The following NDUFS1 variants were observed in gnomAD, a reference collection of about 807,000 sequenced individuals.
The protein encoded by NDUFS1 is NADH-ubiquinone oxidoreductase 75 kDa subunit, mitochondrial.
Under a neutral mutation model 84.4 loss-of-function variants are expected in NDUFS1, and 61 were observed. That is an observed-to-expected ratio of 0.72 (90% confidence interval 0.59 to 0.89). The LOEUF is 0.89. NDUFS1 is among the 40% of genes least tolerant of loss of function. The probability of loss-of-function intolerance (pLI) is 0.00; values close to 1 mark genes in which losing one functional copy is unlikely to be tolerated. For missense variants in NDUFS1, 891 were observed against 890.0 expected, an observed-to-expected ratio of 1.00 and a Z score of -0.01; for synonymous variants, 275 against 290.0, an observed-to-expected ratio of 0.95 and a Z score of 0.53.
intron 18 of NDUFS1, among the ~76,000 whole-genome samples, chr2:206,125,858 G>A (rs111875149): frequency 7.2e-5 from 11 of 152,090 alleles, no homozygotes; most frequent in African/African-American, 1.9e-4. Context: ...CCTTCTTTGT[G>A]TTCATAAGTT....
At chr2:206,134,039 T>C (rs1691615097) in intron 13 of NDUFS1, among the ~76,000 whole-genome samples, 1 of 152,162 alleles carries the variant, frequency 6.6e-6, no homozygotes, top group Non-Finnish European at 1.5e-5. Flanking sequence ...CTCCCACCCA[T>C]CCTTTGTGTC....
chr2:206,130,825 CT>C (rs1484982094), intron 14 of NDUFS1, among the ~76,000 whole-genome samples: 3 of 152,094 alleles, frequency 2.0e-5, no homozygotes, highest in African/African-American at 7.2e-5. Context: ...ACTGTAATTG[CT>C]TTAAGTCTGA....
chr2:206,148,978 C>T, intron 5 of NDUFS1, 42 bp downstream of exon 5: 1 of 1,434,914 alleles, frequency 7.0e-7, no homozygotes, highest in African/African-American at 1.4e-5. Flanking sequence ...GTGCAATTTT[C>T]TGCTTTATGA....
At chr2:206,153,251 A>G (rs1346742763) in intron 2 of NDUFS1, among the ~76,000 whole-genome samples, 7 of 148,698 alleles carry the variant, frequency 4.7e-5, no homozygotes, top group Admixed American at 1.4e-4. Context: ...GCTGGAGTGC[A>G]GTGGTACAAT....
chr2:206,119,859 T>TA lies in NDUFS1; in HGVS notation c.*4325dup, dbSNP rs1471650169. ...GTTGGGGGTCTTGTTATGTTGCTGA[T>TA]ATGGTTTGGATGGCTGTCACTTCCA... On this transcript the variant is annotated 3_prime_UTR_variant, in exon 19 of 19. Transcript: ENST00000233190. 1 of 152,164 alleles carries TA rather than the reference T, an allele frequency of 6.6e-6. No individual in the cohort carries two copies. The highest frequency in any genetic ancestry group is 1.5e-5 in the Non-Finnish European group (1 of 68,046). 9.4% of individuals were successfully genotyped at this position (152,164 alleles called of 1,614,324 possible). A position where few individuals can be genotyped will look rare whatever the true frequency, so the allele number is the denominator to read the frequency against.
chr2:206,132,374 A>G (rs1691546523), intron 14 of NDUFS1, among the ~76,000 whole-genome samples: 1 of 152,174 alleles, frequency 6.6e-6, no homozygotes, highest in Admixed American at 6.5e-5. Context: ...GCCTGAGCCC[A>G]GGAGTTTGAG....
intron 14 of NDUFS1, among the ~76,000 whole-genome samples, chr2:206,130,757 A>T (rs185352994): frequency 1.3e-5 from 2 of 152,340 alleles, no homozygotes; most frequent in Admixed American, 1.3e-4. Context: ...GATTCTTAGG[A>T]CGCTCTGTCT....
At chr2:206,152,702 TC>T (rs766144815) in intron 2 of NDUFS1, among the ~76,000 whole-genome samples, 192 bp from the exon 3 acceptor site, 1 of 137,460 alleles carries the variant, frequency 7.3e-6, no homozygotes. Context: ...TCTTTCTTCT[TC>T]TTTTTTTTTT....
At position 206,116,665 on chromosome 2, in the gene NDUFS1, C is replaced by T. The variant is rs962903109; in HGVS notation, c.*7520G>A. ...CTTTGGGAGGTCAAGGTGGGAGGAG[C>T]GCCTGGGCCCAGGGGTTCAAGACGA... is the stretch of plus-strand genomic sequence containing the variant. On this transcript the variant is annotated 3_prime_UTR_variant, in exon 19 of 19. Transcript: ENST00000233190. The T allele has an allele frequency of 2.2e-5, 9 of 403,144 alleles. No individual in the cohort carries two copies. The highest frequency in any genetic ancestry group is 7.6e-5 in the Admixed American group (2 of 26,290). 25.0% of individuals were successfully genotyped at this position (403,144 alleles called of 1,614,324 possible). A position where few individuals can be genotyped will look rare whatever the true frequency, so the allele number is the denominator to read the frequency against.
chr2:206,126,910 T>G, intron 16 of NDUFS1, 66 bp from the exon 17 acceptor site: 1 of 1,572,448 alleles, frequency 6.4e-7, no homozygotes, highest in Non-Finnish European at 8.7e-7. Context: ...AAATAATAGA[T>G]AATTGTAACT....
At chr2:206,157,188 T>G (rs189397926) in intron 1 of NDUFS1, among the ~76,000 whole-genome samples, 3 of 152,308 alleles carry the variant, frequency 2.0e-5, no homozygotes, top group Admixed American at 1.3e-4. Flanking sequence ...CTGACCTCAG[T>G]GATCCACCCG....
chr2:206,115,659 T>C lies in NDUFS1; in HGVS notation c.*8526A>G, dbSNP rs1268333649. The C allele has an allele frequency of 5.5e-6, 2 of 366,058 alleles. No individual in the cohort carries two copies. Among genetic ancestry groups the C allele is most frequent in the Non-Finnish European group, 1.0e-5 (2 of 193,202 alleles). 22.7% of individuals were successfully genotyped at this position (366,058 alleles called of 1,614,324 possible). A position where few individuals can be genotyped will look rare whatever the true frequency, so the allele number is the denominator to read the frequency against. On this transcript the variant is annotated 3_prime_UTR_variant, in exon 19 of 19. Transcript: ENST00000233190. ...GCAGTGTATTGCAAAATTAAGATAGTGTTGTTCTTCATCTGACACTGTACA... is the reference window on the plus strand; with the variant it reads ...GCAGTGTATTGCAAAATTAAGATAGCGTTGTTCTTCATCTGACACTGTACA...
chr2:206,148,522 C>T (rs908153288), intron 5 of NDUFS1, among the ~76,000 whole-genome samples: 2 of 151,970 alleles, frequency 1.3e-5, no homozygotes, highest in African/African-American at 2.4e-5. Context: ...TGGTGGCTCA[C>T]GTCTGTAATC....
chr2:206,148,202 G>T (rs1692235012), intron 5 of NDUFS1, among the ~76,000 whole-genome samples: 1 of 152,108 alleles, frequency 6.6e-6, no homozygotes, highest in African/African-American at 2.4e-5. Context: ...TAGAATTACA[G>T]GCGTGAGCCA....
Position 206,126,628 on chromosome 2 carries a change from A to G in NDUFS1, c.2020-17T>C. The G allele has an allele frequency of 6.2e-7, 1 of 1,614,138 alleles. No individual in the cohort carries two copies. The highest frequency in any genetic ancestry group is 8.5e-7 in the Non-Finnish European group (1 of 1,180,016). Reference sequence around the variant, plus strand: ...GTTCACTAGCTGCACAAAAAAGAAGAGATCAACAATAATATGGAAAACTAG... The same window carrying G: ...GTTCACTAGCTGCACAAAAAAGAAGGGATCAACAATAATATGGAAAACTAG... On this transcript the variant is annotated splice_polypyrimidine_tract_variant and intron_variant, in intron 17 of 18. Transcript: ENST00000233190.
intron 12 of NDUFS1, among the ~76,000 whole-genome samples, chr2:206,139,053 T>C (rs555858503): frequency 1.3e-4 from 19 of 150,968 alleles, no homozygotes; most frequent in African/African-American, 3.6e-4. Context: ...GAGGTAGAGG[T>C]TGCAGCGAGC....
intron 15 of NDUFS1, 64 bp downstream of exon 15, chr2:206,130,024 A>C: frequency 6.3e-7 from 1 of 1,591,162 alleles, no homozygotes; most frequent in South Asian, 1.1e-5. Flanking sequence ...TATATTACTA[A>C]ATGGTTTCTA....
intron 14 of NDUFS1, among the ~76,000 whole-genome samples, 156 bp downstream of exon 14, chr2:206,132,789 C>T (rs1691562576): frequency 6.6e-6 from 1 of 152,088 alleles, no homozygotes; most frequent in African/African-American, 2.4e-5. Flanking sequence ...ATCTCGGGCT[C>T]TTCTCACACA....
intron 1 of NDUFS1, among the ~76,000 whole-genome samples, chr2:206,158,206 C>T (rs1324759829): frequency 6.6e-6 from 1 of 152,136 alleles, no homozygotes; most frequent in Non-Finnish European, 1.5e-5. Flanking sequence ...TCGTGATCCG[C>T]CCGCCTCGGC....
Sources: allele counts gnomAD v4.1 joint callset (sites outside exome capture counted in the v4.1 genomes callset), GRCh38; gene constraint gnomAD v4.1.1; transcripts MANE v1.5; gene names NCBI Gene and HGNC (gene_info 2026-07-23, HGNC 2026-07-21).